RHPN1: variants seen among roughly 807,000 people sequenced by gnomAD.
The protein encoded by RHPN1 is rhophilin Rho GTPase binding protein 1.
A neutral mutation model predicts 74.7 loss-of-function variants in RHPN1; 77 were observed. The ratio of observed to expected loss-of-function variants is 1.03; its 90% CI spans 0.86 to 1.25. The LOEUF (loss-of-function observed/expected upper bound fraction) is 1.25. Ranked by LOEUF, RHPN1 falls within the 50% of genes most tolerant of loss-of-function variation. The pLI is 0.00. For missense variants in RHPN1, 987 were observed against 932.2 expected (o/e 1.06, Z -0.77); for synonymous variants, 444 against 414.5 (o/e 1.07, Z -0.87).
chr8:143,378,347 G>A lies in RHPN1; in HGVS notation c.459+1G>A. On this transcript the variant is annotated splice_donor_variant, in intron 5 of 14. Coordinates refer to ENST00000289013, the MANE Select transcript of RHPN1 (RefSeq NM_052924.3). LOFTEE classifies it high-confidence loss of function. Reference sequence around the variant, plus strand: ...CAGGGAGCTGGAGGCCCTGCGGCAGGTGTGTGGTTCCCCCGCCCACCCACC... The same window carrying A: ...CAGGGAGCTGGAGGCCCTGCGGCAGATGTGTGGTTCCCCCGCCCACCCACC... 1 of 1,546,186 alleles carries A rather than the reference G, an allele frequency of 6.5e-7. No individual in the cohort carries two copies.
rs762464793 is a variant in RHPN1 at position 143,376,555 on chromosome 8, G to A, written c.207G>A (p.Thr69=). Residue 69 remains threonine (T), a synonymous_variant, in exon 3 of 15, where the codon ACG becomes ACA. Coordinates refer to ENST00000289013, the MANE Select transcript of RHPN1 (RefSeq NM_052924.3). The part of the protein sequence containing the change: ...RATSNNRVRE[T]VALELSYVNS... ...CCAGCAACAACCGGGTGAGAGAGACGGTCGCCCTGGAGCTGAGCTACGTCA... is the reference window on the plus strand; with the variant it reads ...CCAGCAACAACCGGGTGAGAGAGACAGTCGCCCTGGAGCTGAGCTACGTCA... 20 of 1,612,010 alleles carry A rather than the reference G, an allele frequency of 1.2e-5. No homozygotes were observed. Among genetic ancestry groups the A allele is most frequent in the Non-Finnish European group, 1.4e-5 (16 of 1,179,502 alleles).
chr8:143,371,621 G>T (rs575518681), intron 1 of RHPN1, among the ~76,000 whole-genome samples: 2 of 152,310 alleles, frequency 1.3e-5, no homozygotes, highest in Non-Finnish European at 2.9e-5. Flanking sequence ...GGGCAGAGGA[G>T]CCCCAGTGTC....
rs767774419 is a variant in RHPN1, at chr8:143,381,916, G to A, written c.1745G>A (p.Gly582Asp). The A allele has an allele frequency of 6.2e-6, 10 of 1,611,052 alleles. No individual in the cohort carries two copies. In the Admixed American group the frequency reaches 8.3e-5, roughly 13 times the overall value. The stretch of plus-strand genomic sequence containing the variant: ...GAGCTGAAGGCTGCGGGAGAGGCGG[G>A]CGCCAGCCTGCAGGTGGTGTCGCTG... ...VTELKAAGEA[G>D]ASLQVVSLLP... The change falls in exon 14 of 15, where the codon GGC becomes GAC. Residue 582 changes from glycine to aspartate, a missense_variant. Physicochemically the swap from Gly to Asp is moderately conservative, Grantham distance 94. Coordinates refer to ENST00000289013, the MANE Select transcript of RHPN1 (RefSeq NM_052924.3).
intron 3 of RHPN1, among the ~76,000 whole-genome samples, 196 bp downstream of exon 3, chr8:143,376,849 TGC>T (rs1410416082): frequency 4.7e-5 from 6 of 127,234 alleles, no homozygotes; most frequent in African/African-American, 1.9e-4. Flanking sequence ...TCTGTGTGTG[TGC>T]GTGTGTCTCT....
chr8:143,382,046 G>A, intron 14 of RHPN1, 78 bp downstream of exon 14: 1 of 1,378,824 alleles, frequency 7.3e-7, no homozygotes, highest in South Asian at 1.4e-5. Flanking sequence ...TTGGATGCTT[G>A]AGCAACATTG....
rs2084760183 is a variant in RHPN1, at chr8:143,383,724, G to A, written c.*1073G>A. ...CCCCAGGGCCTGGCAGGTTCCGGAA[G>A]AGACAGGGCCAGCGGGAGTCATTCC... On this transcript the variant is annotated 3_prime_UTR_variant, in exon 15 of 15. Transcript: ENST00000289013. The A allele has an allele frequency of 6.6e-6, 1 of 152,388 alleles. No individual in the cohort carries two copies. The highest frequency in any genetic ancestry group is 1.5e-5 in the Non-Finnish European group (1 of 68,182). The allele number at this position is 152,388 out of a possible 1,614,324, so 9.4% of individuals were successfully genotyped here.
In RHPN1 at chr8:143,376,558, C is replaced by A. The variant is rs774139398; in HGVS notation, c.210C>A (p.Val70=). ...ATSNNRVRET[V]ALELSYVNSN... ...GCAACAACCGGGTGAGAGAGACGGT[C>A]GCCCTGGAGCTGAGCTACGTCAACT... is the stretch of plus-strand genomic sequence containing the variant. The change falls in exon 3 of 15, where the codon GTC becomes GTA. Residue 70 remains valine (V), a synonymous_variant. Transcript: ENST00000289013. The A allele has an allele frequency of 3.7e-6, 6 of 1,611,924 alleles. No individual in the cohort carries two copies. Among genetic ancestry groups the A allele is most frequent in the Non-Finnish European group, 5.1e-6 (6 of 1,179,496 alleles).
At chr8:143,380,911 T>G in intron 11 of RHPN1, 128 bp downstream of exon 11, 1 of 832,356 alleles carries the variant, frequency 1.2e-6, no homozygotes, top group East Asian at 2.8e-5. Context: ...AGTAGCACTT[T>G]CCAGGCCACG....
intron 10 of RHPN1, 182 bp from the exon 11 acceptor site, chr8:143,380,407 T>A (rs1818632344): frequency 3.0e-6 from 2 of 664,884 alleles, no homozygotes; most frequent in African/African-American, 3.6e-5. Context: ...AGCTCATCCC[T>A]GGCCCCTGCT....
At position 143,382,529 on chromosome 8, in the gene RHPN1, C is replaced by A. The variant is rs770950808; in HGVS notation, c.1891C>A (p.Pro631Thr). 1 of 1,610,588 alleles carries A rather than the reference C, an allele frequency of 6.2e-7. No homozygotes were observed. The highest frequency in any genetic ancestry group is 1.3e-5 in the African/African-American group (1 of 75,016). ...CKTPASTWASPRPLLNWSRKA... is the reference protein window; with the variant it reads ...CKTPASTWASTRPLLNWSRKA... ...GACCCCGGCATCCACGTGGGCCAGT[C>A]CCCGGCCCCTCCTCAACTGGAGCCG... is the stretch of plus-strand genomic sequence containing the variant. The change falls in exon 15 of 15, where the codon CCC becomes ACC. Residue 631 changes from proline to threonine, a missense_variant. Physicochemically the swap from Pro to Thr is conservative, Grantham distance 38. Transcript: ENST00000289013.
In RHPN1 at chr8:143,376,509, C is replaced by T. The variant is rs762251844; in HGVS notation, c.177-16C>T. On this transcript the variant is annotated splice_polypyrimidine_tract_variant and intron_variant, in intron 2 of 14. Coordinates refer to ENST00000289013, the MANE Select transcript of RHPN1 (RefSeq NM_052924.3). ...TGCCTTGGGGCTGGGCTTTCAACTG[C>T]CGCGGCCTCCCTCAGAGCCACCAGC... is the stretch of plus-strand genomic sequence containing the variant. 3 of 1,611,184 alleles carry T rather than the reference C, an allele frequency of 1.9e-6. No individual in the cohort carries two copies. The highest frequency in any genetic ancestry group is 3.3e-5 in the Admixed American group (2 of 59,918).
chr8:143,377,140 TTGTG>T (rs140462652), intron 3 of RHPN1, among the ~76,000 whole-genome samples: 48 of 150,304 alleles, frequency 3.2e-4, no homozygotes, highest in Middle Eastern at 3.5e-3. Context: ...ACGCATGTGT[TTGTG>T]TGTGTGTGTG....
rs941951996 is a variant in RHPN1 at position 143,375,470 on chromosome 8, G to A, written c.61-83G>A. ...CCATCCCGTTACCCATGGGCAGGAT[G>A]CACTCCTCTCAGTGGCTGGCGAGGC... On this transcript the variant is annotated intron_variant, in intron 1 of 14. Coordinates refer to ENST00000289013, the MANE Select transcript of RHPN1 (RefSeq NM_052924.3). The A allele has an allele frequency of 1.7e-4, 154 of 886,118 alleles. 1 individual carries two copies. In the African/African-American group the frequency reaches 2.3e-3, roughly 13 times the overall value. 54.9% of individuals were successfully genotyped at this position (886,118 alleles called of 1,614,324 possible). A position where few individuals can be genotyped will look rare whatever the true frequency, so the allele number is the denominator to read the frequency against.
At chr8:143,380,325 T>C (rs890787767) in intron 10 of RHPN1, 150 bp downstream of exon 10, 1 of 697,988 alleles carries the variant, frequency 1.4e-6, no homozygotes, top group Non-Finnish European at 2.3e-6. Flanking sequence ...CTGTGCCTGA[T>C]GGGTGACGGC....
At chr8:143,370,933 C>T (rs574573283) in intron 1 of RHPN1, among the ~76,000 whole-genome samples, 2 of 152,158 alleles carry the variant, frequency 1.3e-5, no homozygotes, top group Non-Finnish European at 2.9e-5. Context: ...AGCAGGTGGG[C>T]AGGGTGGCTG....
intron 10 of RHPN1, 85 bp downstream of exon 10, chr8:143,380,260 GC>G: frequency 1.1e-6 from 1 of 940,956 alleles, no homozygotes. Context: ...CATGCTGTTT[GC>G]CACCTGCTGT....
intron 3 of RHPN1, 115 bp downstream of exon 3, chr8:143,376,768 G>A: frequency 8.2e-7 from 1 of 1,224,426 alleles, no homozygotes; most frequent in Non-Finnish European, 1.1e-6. Context: ...CATTGTCTGT[G>A]TGTGTGCGTG....
intron 1 of RHPN1, among the ~76,000 whole-genome samples, chr8:143,371,049 C>T (rs1338984823): frequency 1.3e-5 from 2 of 152,128 alleles, no homozygotes; most frequent in South Asian, 2.1e-4. Context: ...TTCCCAGGCC[C>T]CTGCCCAGGT....
At chr8:143,377,132 G>A (rs569067863) in intron 3 of RHPN1, among the ~76,000 whole-genome samples, 41 of 151,996 alleles carry the variant, frequency 2.7e-4, no homozygotes, top group East Asian at 2.1e-3. Flanking sequence ...GTGTATGCAC[G>A]CATGTGTTTG....
Sources: gnomAD v4.1 joint callset for allele counts (sites outside exome capture counted in the v4.1 genomes callset) on GRCh38, gnomAD v4.1.1 for gene constraint, MANE v1.5 for transcripts, NCBI Gene and HGNC (gene_info 2026-07-23, HGNC 2026-07-21) for gene names.